The following FFAR4 variants were observed in gnomAD, a reference collection of about 807,000 sequenced individuals.
FFAR4 encodes G-protein coupled receptor 120.
A neutral mutation model predicts 27.0 loss-of-function variants in FFAR4; 19 were observed. That is an observed-to-expected ratio of 0.70 (90% CI 0.49 to 1.03). The LOEUF (loss-of-function observed/expected upper bound fraction) is 1.03. Among genes scored for constraint, FFAR4 ranks in the 50% least tolerant of loss-of-function variants. The pLI, the probability that FFAR4 is intolerant of heterozygous loss-of-function variation, is 0.00. For missense variants in FFAR4, 476 were observed against 479.0 expected, an observed-to-expected ratio of 0.99 and a Z score of 0.06; for synonymous variants, 254 against 215.6, an observed-to-expected ratio of 1.18 and a Z score of -1.56.
At chr10:93,574,968 C>T (rs567281291) in intron 1 of FFAR4, among the ~76,000 whole-genome samples, 138 of 152,268 alleles carry the variant, frequency 9.1e-4, no homozygotes, top group African/African-American at 3.2e-3. Context: ...ATGAACTTCC[C>T]CCTACCATGT....
rs1197313124 is a variant in FFAR4 at position 93,589,610 on chromosome 10, G to A, written c.*2001G>A. ...GGGGCCTGGGCAAAGATTAGGGGGG[G>A]GGGAGCCAAGAGTTTCATTTGGAGC... On this transcript the variant is annotated 3_prime_UTR_variant, in exon 3 of 3. Transcript: ENST00000371481. The A allele has an allele frequency of 7.1e-6, 1 of 141,062 alleles. No individual in the cohort carries two copies. The highest frequency in any genetic ancestry group is 1.6e-5 in the Non-Finnish European group (1 of 64,366). The allele number at this position is 141,062 out of a possible 1,614,324, so 8.7% of individuals were successfully genotyped here.
chr10:93,589,036 G>C lies in FFAR4; in HGVS notation c.*1427G>C, dbSNP rs2058247291. 6.6e-6 allele frequency: 1 copy of C among 152,310 alleles called. No homozygotes were observed. The highest frequency in any genetic ancestry group is 6.5e-5 in the Admixed American group (1 of 15,288). The allele number at this position is 152,310 out of a possible 1,614,324, so 9.4% of individuals were successfully genotyped here. On this transcript the variant is annotated 3_prime_UTR_variant, in exon 3 of 3. Coordinates refer to ENST00000371481, the MANE Select transcript of FFAR4 (RefSeq NM_001195755.2). ...GGGCCACCTGTGTGAATGGGGGAAG[G>C]GACACAGAAGAGATGTTAGTGCAAG...
chr10:93,579,805 T>C (rs1253516621), intron 2 of FFAR4, among the ~76,000 whole-genome samples: 1 of 152,232 alleles, frequency 6.6e-6, no homozygotes, highest in African/African-American at 2.4e-5. Context: ...CAAAGAGTCC[T>C]AAGACAGAAG....
chr10:93,575,946 G>T, intron 1 of FFAR4, 145 bp from the exon 2 acceptor site: 1 of 705,278 alleles, frequency 1.4e-6, no homozygotes. Context: ...GTGGGCAGTG[G>T]GAGGGATTCT....
At position 93,566,746 on chromosome 10, in the gene FFAR4, CG is replaced by C; in HGVS notation, c.29del (p.Gly10AlafsTer108). MSPECARA[A>X]GDAPLRSLEQ... ...ATGTCCCCTGAATGCGCGCGGGCAG[CG>C]GGCGACGCGCCCTTGCGCAGCCTGG... On this transcript the variant is annotated frameshift_variant, in exon 1 of 3. Coordinates refer to ENST00000371481, the MANE Select transcript of FFAR4 (RefSeq NM_001195755.2). LOFTEE classifies it high-confidence loss of function. The C allele has an allele frequency of 6.2e-7, 1 of 1,601,042 alleles. No individual in the cohort carries two copies. The highest frequency in any genetic ancestry group is 1.1e-5 in the South Asian group (1 of 90,132).
intron 2 of FFAR4, chr10:93,579,280 A>C: frequency 7.6e-7 from 1 of 1,309,288 alleles, no homozygotes; most frequent in East Asian, 2.3e-5. Flanking sequence ...CCTCACCTTA[A>C]GGCCCTGTGT....
chr10:93,581,131 C>G (rs1181323297), intron 2 of FFAR4, among the ~76,000 whole-genome samples: 5 of 152,226 alleles, frequency 3.3e-5, no homozygotes, highest in African/African-American at 1.2e-4. Flanking sequence ...TGCTGTGTGT[C>G]CAGCACCTAT....
chr10:93,575,576 GC>G (rs1345521819), intron 1 of FFAR4, among the ~76,000 whole-genome samples: 1 of 152,192 alleles, frequency 6.6e-6, no homozygotes, highest in Non-Finnish European at 1.5e-5. Context: ...AGACACCTGA[GC>G]ACCCCCAGCA....
chr10:93,574,920 C>T (rs141175542), intron 1 of FFAR4, among the ~76,000 whole-genome samples: 3 of 152,088 alleles, frequency 2.0e-5, no homozygotes, highest in Non-Finnish European at 4.4e-5. Flanking sequence ...CAAAACAAAA[C>T]AGGTTTCTTT....
In FFAR4 at chr10:93,576,209, A is replaced by G; in HGVS notation, c.686A>G (p.Lys229Arg). The change falls in exon 2 of 3, where the codon AAA becomes AGA. Residue 229 changes from lysine to arginine, a missense_variant. Coordinates refer to ENST00000371481, the MANE Select transcript of FFAR4 (RefSeq NM_001195755.2). ...CTGGTCATTGTGATCAGTTACTCCA[A>G]AATTTTACAGGTATGTTTTCTGCAA... The part of the protein sequence containing the change: ...PGLVIVISYS[K>R]ILQITKASRK... The G allele has an allele frequency of 6.2e-7, 1 of 1,614,066 alleles. No individual in the cohort carries two copies. The highest frequency in any genetic ancestry group is 8.5e-7 in the Non-Finnish European group (1 of 1,179,976).
chr10:93,573,061 AC>A (rs914329551), intron 1 of FFAR4, among the ~76,000 whole-genome samples: 3 of 151,104 alleles, frequency 2.0e-5, no homozygotes, highest in Admixed American at 6.6e-5. Context: ...AGCAGAAACA[AC>A]CCCCCCTGGG....
At chr10:93,583,547 C>T (rs1300902783) in intron 2 of FFAR4, among the ~76,000 whole-genome samples, 5 of 152,168 alleles carry the variant, frequency 3.3e-5, no homozygotes, top group Admixed American at 3.3e-4. Flanking sequence ...TCTCAGAGTT[C>T]CTGGCATTAG....
chr10:93,568,066 C>A (rs1169226703), intron 1 of FFAR4, among the ~76,000 whole-genome samples: 1 of 152,144 alleles, frequency 6.6e-6, no homozygotes, highest in East Asian at 1.9e-4. Flanking sequence ...TGACCATGAT[C>A]GGAATAAGGT....
chr10:93,577,884 T>C (rs2058173605), intron 2 of FFAR4, among the ~76,000 whole-genome samples: 1 of 152,038 alleles, frequency 6.6e-6, no homozygotes, highest in Non-Finnish European at 1.5e-5. Context: ...CAGACATGTG[T>C]TAAGGGCCTG....
intron 2 of FFAR4, among the ~76,000 whole-genome samples, chr10:93,582,786 G>C (rs940024273): frequency 5.3e-5 from 8 of 152,162 alleles, no homozygotes; most frequent in Non-Finnish European, 8.8e-5. Flanking sequence ...ATACAGAAAA[G>C]AGCTTTAGTT....
At chr10:93,584,989 T>C (rs892693387) in intron 2 of FFAR4, among the ~76,000 whole-genome samples, 3 of 152,226 alleles carry the variant, frequency 2.0e-5, no homozygotes, top group Admixed American at 6.5e-5. Flanking sequence ...ATTCCAGGCA[T>C]GAGCCACTGC....
intron 2 of FFAR4, among the ~76,000 whole-genome samples, chr10:93,583,285 G>A (rs2058210026): frequency 6.6e-6 from 1 of 151,282 alleles, no homozygotes; most frequent in Non-Finnish European, 1.5e-5. Context: ...GCGTGATGGC[G>A]GGCGCCTGTA....
chr10:93,567,327 C>T, intron 1 of FFAR4, 40 bp downstream of exon 1: 1 of 1,566,686 alleles, frequency 6.4e-7, no homozygotes, highest in Non-Finnish European at 8.6e-7. Context: ...GTGTCCTGCG[C>T]AGGCTGGGAA....
Position 93,587,942 on chromosome 10 carries a change from T to A in FFAR4, c.*333T>A, listed in dbSNP as rs1256541285. 2.8e-5 allele frequency: 5 copies of A among 178,598 alleles called. No homozygotes were observed. The highest frequency in any genetic ancestry group is 1.4e-4 in the East Asian group (1 of 6,986). The allele number at this position is 178,598 out of a possible 1,614,324, so 11.1% of individuals were successfully genotyped here. ...TCTCTACTAAAAATAAAAAAAAAAA[T>A]TAGCTGGGAGTGGTGGTGGGCACCT... On this transcript the variant is annotated 3_prime_UTR_variant, in exon 3 of 3. Coordinates refer to ENST00000371481, the MANE Select transcript of FFAR4 (RefSeq NM_001195755.2).
Sources: gnomAD v4.1 joint callset for allele counts (sites outside exome capture counted in the v4.1 genomes callset) on GRCh38, gnomAD v4.1.1 for gene constraint, MANE v1.5 for transcripts, NCBI Gene and HGNC (gene_info 2026-07-23, HGNC 2026-07-21) for gene names.